Variants in MAP2K6 observed in about 807,000 individuals in gnomAD.
The protein encoded by MAP2K6 is mitogen-activated protein kinase kinase 6, also known as dual specificity mitogen-activated protein kinase kinase 6.
A neutral mutation model predicts 53.7 loss-of-function variants in MAP2K6; 16 were observed. The ratio of observed to expected loss-of-function variants is 0.30; its 90% CI spans 0.20 to 0.45. The LOEUF is 0.45. Ranked by LOEUF, MAP2K6 falls within the 20% of genes least tolerant of loss-of-function variation. The probability of loss-of-function intolerance (pLI) is 1.00; values close to 1 mark genes in which losing one functional copy is unlikely to be tolerated. For synonymous variants in MAP2K6, 132 were observed against 143.1 expected, an observed-to-expected ratio of 0.92 and a Z score of 0.55; for missense variants, 204 against 411.9, an observed-to-expected ratio of 0.50 and a Z score of 4.37.
At chr17:69,472,983 A>G (rs1032716646) in intron 1 of MAP2K6, among the ~76,000 whole-genome samples, 6 of 152,230 alleles carry the variant, frequency 3.9e-5, no homozygotes, top group Non-Finnish European at 7.3e-5. Flanking sequence ...CTGGGATTAC[A>G]AGCGTGAGCC....
In MAP2K6 at chr17:69,457,984, T is replaced by A. The variant is rs572368037; in HGVS notation, c.16+42984T>A. ...CCATTACTACCTATAACACAATACC[T>A]TAGAATTAAGGGAGTCCTAACAAAA... On this transcript the variant is annotated intron_variant, in intron 1 of 11. Coordinates refer to ENST00000590474, the MANE Select transcript of MAP2K6 (RefSeq NM_002758.4). Among the ~76,000 whole-genome samples, 15 of 152,242 alleles carry A rather than the reference T, an allele frequency of 9.9e-5. 3 individuals are homozygous for A. Among genetic ancestry groups the A allele is most frequent in the African/African-American group, 3.6e-4 (15 of 41,556 alleles).
intron 2 of MAP2K6, among the ~76,000 whole-genome samples, chr17:69,508,179 G>A (rs933608720): frequency 6.9e-6 from 1 of 145,854 alleles, no homozygotes; most frequent in East Asian, 2.1e-4. Context: ...AGCTTCCCCA[G>A]TAGCTGGGAT....
At chr17:69,527,559 A>T (rs1910838427) in intron 10 of MAP2K6, among the ~76,000 whole-genome samples, 1 of 152,234 alleles carries the variant, frequency 6.6e-6, no homozygotes, top group African/African-American at 2.4e-5. Flanking sequence ...AGTAATGATC[A>T]TGGCAAGTGA....
intron 10 of MAP2K6, among the ~76,000 whole-genome samples, chr17:69,535,556 T>C (rs925233943): frequency 4.6e-5 from 7 of 152,162 alleles, no homozygotes; most frequent in African/African-American, 1.4e-4. Context: ...TGTATGCCCC[T>C]GCACTCCAGC....
intron 1 of MAP2K6, among the ~76,000 whole-genome samples, chr17:69,476,308 C>T (rs1908147651): frequency 6.6e-6 from 1 of 152,054 alleles, no homozygotes; most frequent in African/African-American, 2.4e-5. Context: ...ACTAAAAAAC[C>T]CCTCAAAAAC....
intron 1 of MAP2K6, among the ~76,000 whole-genome samples, chr17:69,469,039 C>T (rs972096458): frequency 6.6e-6 from 1 of 152,170 alleles, no homozygotes; most frequent in African/African-American, 2.4e-5. Context: ...TTGTGGTCTG[C>T]AGCAGAGAGT....
chr17:69,506,129 T>C (rs1909458193), intron 2 of MAP2K6, among the ~76,000 whole-genome samples: 2 of 152,220 alleles, frequency 1.3e-5, no homozygotes, highest in Non-Finnish European at 2.9e-5. Context: ...GGCCCCTGGA[T>C]GTGAACTTCC....
intron 11 of MAP2K6, among the ~76,000 whole-genome samples, chr17:69,536,847 G>A (rs1390385163): frequency 2.6e-5 from 4 of 152,154 alleles, no homozygotes; most frequent in East Asian, 1.9e-4. Context: ...CTGGTAGGCC[G>A]AGTTGGGCAG....
At chr17:69,526,762 C>T (rs3729922) in intron 10 of MAP2K6, 53 bp downstream of exon 10, 276,556 of 1,581,822 alleles carry the variant, frequency 0.17, 26,271 homozygotes, top group Middle Eastern at 0.24. Context: ...GATGAGTTCT[C>T]ATGAATTTCT....
intron 10 of MAP2K6, among the ~76,000 whole-genome samples, chr17:69,527,015 G>A (rs920577835): frequency 6.6e-6 from 1 of 152,116 alleles, no homozygotes; most frequent in Non-Finnish European, 1.5e-5. Flanking sequence ...CTTTTCTGGA[G>A]GAGATAAATC....
rs748599291 is a variant in MAP2K6, at chr17:69,536,098, AT to A, written c.882-8del. On this transcript the variant is annotated splice_polypyrimidine_tract_variant and intron_variant, in intron 10 of 11. Coordinates refer to ENST00000590474, the MANE Select transcript of MAP2K6 (RefSeq NM_002758.4). Reference sequence around the variant, plus strand: ...ATATGGCTTCTAGATTTTAATGATTATTTTTTTTTCTTTAAGCTTAAAGAAG... The same window carrying A: ...ATATGGCTTCTAGATTTTAATGATTATTTTTTTTCTTTAAGCTTAAAGAAG... 135 of 1,525,446 alleles carry A rather than the reference AT, an allele frequency of 8.8e-5. No homozygotes were observed. Among genetic ancestry groups the A allele is most frequent in the South Asian group, 1.9e-4 (17 of 88,238 alleles). 94.5% of individuals were successfully genotyped at this position (1,525,446 alleles called of 1,614,324 possible).
At chr17:69,483,177 C>CAG (rs762728704) in intron 1 of MAP2K6, among the ~76,000 whole-genome samples, 2 of 151,936 alleles carry the variant, frequency 1.3e-5, no homozygotes, top group African/African-American at 2.4e-5. Flanking sequence ...ATAACACAAA[C>CAG]AGATCTCTGT....
intron 11 of MAP2K6, among the ~76,000 whole-genome samples, chr17:69,540,006 TC>T (rs1164529908): frequency 6.6e-6 from 1 of 152,214 alleles, no homozygotes; most frequent in Non-Finnish European, 1.5e-5. Context: ...ACCTGTGTCC[TC>T]AGATGGGCAA....
intron 1 of MAP2K6, among the ~76,000 whole-genome samples, chr17:69,493,714 T>A (rs1908839656): frequency 6.6e-6 from 1 of 151,882 alleles, no homozygotes; most frequent in African/African-American, 2.4e-5. Context: ...TGAGCTGAGA[T>A]CGTGCCATTG....
At chr17:69,521,811 A>ACG (rs199729253) in intron 7 of MAP2K6, 1 of 138,122 alleles carries the variant, frequency 7.2e-6, no homozygotes, top group Non-Finnish European at 1.5e-5. Context: ...ATGTACAAAA[A>ACG]AAAAAAAAAA....
At chr17:69,518,859 T>G (rs1350501097) in intron 4 of MAP2K6, among the ~76,000 whole-genome samples, 1 of 152,248 alleles carries the variant, frequency 6.6e-6, no homozygotes, top group East Asian at 1.9e-4. Flanking sequence ...TTTCTCTAAT[T>G]GCTTCTATTT....
intron 1 of MAP2K6, among the ~76,000 whole-genome samples, chr17:69,478,976 A>G (rs943589144): frequency 4.6e-5 from 7 of 152,102 alleles, no homozygotes; most frequent in Non-Finnish European, 7.3e-5. Context: ...AAGACTTTGG[A>G]CAGGTTTTGA....
At chr17:69,475,953 G>A (rs943412826) in intron 1 of MAP2K6, among the ~76,000 whole-genome samples, 11 of 152,156 alleles carry the variant, frequency 7.2e-5, no homozygotes, top group African/African-American at 2.4e-4. Context: ...CTTAAGATGC[G>A]AACCATGTAG....
chr17:69,499,792 A>G (rs1909082315), intron 1 of MAP2K6, among the ~76,000 whole-genome samples: 1 of 152,224 alleles, frequency 6.6e-6, no homozygotes, highest in Non-Finnish European at 1.5e-5. Context: ...TTGTGAGAAA[A>G]GGTTTGCGGG....
Sources: gnomAD v4.1 joint callset for allele counts (sites outside exome capture counted in the v4.1 genomes callset) on GRCh38, gnomAD v4.1.1 for gene constraint, MANE v1.5 for transcripts, NCBI Gene and HGNC (gene_info 2026-07-23, HGNC 2026-07-21) for gene names.